The following MACROD2 variants were observed in gnomAD, a reference collection of about 807,000 sequenced individuals.
MACROD2 encodes the protein mono-ADP ribosylhydrolase 2, also known as ADP-ribose glycohydrolase MACROD2.
In MACROD2, 36 loss-of-function variants were observed where a neutral mutation model predicts 70.4. The ratio of observed to expected loss-of-function variants is 0.51; its 90% confidence interval spans 0.39 to 0.68. MACROD2 has a LOEUF of 0.68. Ranked by LOEUF, MACROD2 falls within the 30% of genes least tolerant of loss-of-function variation. The pLI is 0.00. For synonymous variants in MACROD2, 172 were observed against 178.8 expected (o/e 0.96, Z 0.30); for missense variants, 496 against 538.4 (o/e 0.92, Z 0.78).
intron 3 of MACROD2, among the ~76,000 whole-genome samples, chr20:14,167,028 C>T (rs989815805): frequency 5.3e-5 from 8 of 152,190 alleles, no homozygotes; most frequent in Admixed American, 5.2e-4. Flanking sequence ...TCCAGTCCTT[C>T]AGCTTCTGAA....
intron 15 of MACROD2, among the ~76,000 whole-genome samples, chr20:15,999,730 T>C (rs887269514): frequency 6.6e-6 from 1 of 152,264 alleles, no homozygotes; most frequent in Admixed American, 6.5e-5. Flanking sequence ...TGACCTTTTC[T>C]AGTCTCTTGT....
intron 3 of MACROD2, among the ~76,000 whole-genome samples, chr20:14,470,062 G>C: frequency 6.6e-6 from 1 of 152,012 alleles, no homozygotes; most frequent in Admixed American, 6.6e-5. Context: ...TCATTTTTGT[G>C]GATTTATCTA....
chr20:15,720,998 T>TG (rs1476519617), intron 8 of MACROD2, among the ~76,000 whole-genome samples: 1 of 152,278 alleles, frequency 6.6e-6, no homozygotes, highest in East Asian at 1.9e-4. Context: ...GGTCAGATAT[T>TG]GGGGGGTTAA....
chr20:14,404,894 TAAAG>T (rs1016138685), intron 3 of MACROD2, among the ~76,000 whole-genome samples: 40 of 151,584 alleles, frequency 2.6e-4, no homozygotes, highest in African/African-American at 9.5e-4. Context: ...AGTCACTAAT[TAAAG>T]AAAAAAGATT....
At chr20:15,604,688 A>G (rs922742918) in intron 8 of MACROD2, among the ~76,000 whole-genome samples, 1 of 152,188 alleles carries the variant, frequency 6.6e-6, no homozygotes, top group Non-Finnish European at 1.5e-5. Context: ...CCACCAACAT[A>G]TGAGAACATT....
intron 3 of MACROD2, among the ~76,000 whole-genome samples, chr20:14,444,619 G>A (rs1229475547): frequency 6.6e-6 from 1 of 151,956 alleles, no homozygotes; most frequent in Non-Finnish European, 1.5e-5. Flanking sequence ...TGTATCTTTA[G>A]TGTGTGTGTC....
chr20:15,941,720 C>A (rs2065753810), intron 12 of MACROD2, among the ~76,000 whole-genome samples: 1 of 152,174 alleles, frequency 6.6e-6, no homozygotes, highest in Non-Finnish European at 1.5e-5. Context: ...TTTTGCTGAT[C>A]AAATGTCCTG....
chr20:14,504,089 A>G lies in MACROD2; in HGVS notation c.301+10581A>G, dbSNP rs551793685. Among the ~76,000 whole-genome samples, 8 of 152,314 alleles carry G rather than the reference A, an allele frequency of 5.3e-5. No individual in the cohort carries two copies. The East Asian group carries it at 7.7e-4, about 15-fold the overall frequency. ...AACTATCTCTCTTTCCTCTAAGATT[A>G]TAGATTTCACAATGACATGGACTGT... On this transcript the variant is annotated intron_variant, in intron 4 of 17. Coordinates refer to ENST00000684519, the MANE Select transcript of MACROD2 (RefSeq NM_001351661.2).
chr20:15,210,157 G>T (rs6074856), intron 5 of MACROD2, among the ~76,000 whole-genome samples: 16,294 of 152,114 alleles, frequency 0.11, 1,081 homozygotes, highest in African/African-American at 0.18. Flanking sequence ...AAATATCCAA[G>T]CAAGCTTTGT....
chr20:14,471,272 A>G (rs1479588413), intron 3 of MACROD2, among the ~76,000 whole-genome samples: 2 of 152,090 alleles, frequency 1.3e-5, no homozygotes, highest in Admixed American at 1.3e-4. Flanking sequence ...AACCAGTCCC[A>G]ATGAGATGAG....
intron 5 of MACROD2, among the ~76,000 whole-genome samples, chr20:15,075,324 TTTTA>T: frequency 6.6e-6 from 1 of 152,364 alleles, no homozygotes; most frequent in East Asian, 1.9e-4. Context: ...AATAATTGTA[TTTTA>T]TTAGTTCTCT....
chr20:15,228,974 T>C (rs2076936097), intron 5 of MACROD2, among the ~76,000 whole-genome samples: 1 of 152,224 alleles, frequency 6.6e-6, no homozygotes, highest in African/African-American at 2.4e-5. Flanking sequence ...AATTTGTCTT[T>C]GTGATGAAAG....
At chr20:14,485,579 T>C (rs930442219) in intron 3 of MACROD2, among the ~76,000 whole-genome samples, 3 of 151,704 alleles carry the variant, frequency 2.0e-5, no homozygotes, top group African/African-American at 7.3e-5. Flanking sequence ...CAGGCACCTG[T>C]AGTCCCAGCT....
intron 6 of MACROD2, among the ~76,000 whole-genome samples, chr20:15,362,344 G>T (rs1224931524): frequency 6.6e-6 from 1 of 152,046 alleles, no homozygotes; most frequent in East Asian, 1.9e-4. Context: ...GCCATGAGTG[G>T]TGAGAGCGGA....
At chr20:15,441,637 A>C (rs1164396064) in intron 7 of MACROD2, among the ~76,000 whole-genome samples, 1 of 152,106 alleles carries the variant, frequency 6.6e-6, no homozygotes, top group African/African-American at 2.4e-5. Context: ...AAAAATTAAA[A>C]ATAATTAAGT....
At chr20:15,800,293 G>A (rs1333995288) in intron 8 of MACROD2, among the ~76,000 whole-genome samples, 1 of 150,614 alleles carries the variant, frequency 6.6e-6, no homozygotes, top group Non-Finnish European at 1.5e-5. Flanking sequence ...ATTTAATATG[G>A]TCCCATTTGC....
intron 4 of MACROD2, among the ~76,000 whole-genome samples, chr20:14,626,176 G>C (rs77441458): frequency 6.6e-6 from 1 of 152,130 alleles, no homozygotes; most frequent in African/African-American, 2.4e-5. Flanking sequence ...TAGATCAAGG[G>C]GCACACTTTA....
At chr20:14,958,839 A>G (rs909184915) in intron 5 of MACROD2, among the ~76,000 whole-genome samples, 8 of 152,140 alleles carry the variant, frequency 5.3e-5, no homozygotes, top group African/African-American at 1.9e-4. Context: ...ATTTCAGATC[A>G]GGTAGGCTTG....
chr20:15,983,482 A>C (rs1250555704), intron 13 of MACROD2, among the ~76,000 whole-genome samples: 1 of 152,060 alleles, frequency 6.6e-6, no homozygotes, highest in Non-Finnish European at 1.5e-5. Flanking sequence ...GAAAATTCTT[A>C]AGCTTACTGC....
Sources: allele counts gnomAD v4.1 joint callset (sites outside exome capture counted in the v4.1 genomes callset), GRCh38; gene constraint gnomAD v4.1.1; transcripts MANE v1.5; gene names NCBI Gene and HGNC (gene_info 2026-07-23, HGNC 2026-07-21).